The following STK35 variants were observed in gnomAD, a reference collection of about 807,000 sequenced individuals.
The protein encoded by STK35 is serine/threonine kinase 35.
In STK35, 17 loss-of-function variants were observed where a neutral mutation model predicts 37.3. The ratio of observed to expected loss-of-function variants is 0.46; its 90% confidence interval spans 0.31 to 0.68. The LOEUF (loss-of-function observed/expected upper bound fraction) is 0.68. Among genes scored for constraint, STK35 ranks in the 30% least tolerant of loss-of-function variants. The probability of loss-of-function intolerance (pLI) is 0.05; values close to 1 mark genes in which losing one functional copy is unlikely to be tolerated. For missense variants in STK35, 595 were observed against 746.7 expected (o/e 0.80, Z 2.37); for synonymous variants, 385 against 319.1 (o/e 1.21, Z -2.20).
At chr20:2,103,483 T>A in intron 2 of STK35, 118 bp downstream of exon 2, 1 of 947,610 alleles carries the variant, frequency 1.1e-6, no homozygotes. Flanking sequence ...TGTCACCCTG[T>A]GCCCTGACAC....
At chr20:2,123,670 T>C (rs1024933641) in intron 3 of STK35, among the ~76,000 whole-genome samples, 3 of 152,222 alleles carry the variant, frequency 2.0e-5, no homozygotes, top group Admixed American at 6.5e-5. Flanking sequence ...AATGCGTAAT[T>C]AACATGGTTT....
chr20:2,140,684 A>G (rs910363058), intron 3 of STK35, among the ~76,000 whole-genome samples: 4 of 152,190 alleles, frequency 2.6e-5, no homozygotes, highest in Non-Finnish European at 5.9e-5. Context: ...GAGGCTTCCA[A>G]CAGGAGGGCC....
chr20:2,124,641 C>G (rs1985873651), intron 3 of STK35, among the ~76,000 whole-genome samples: 1 of 152,174 alleles, frequency 6.6e-6, no homozygotes. Context: ...CAACCCATCT[C>G]ACTAGCACTA....
In STK35 at chr20:2,117,540, G is replaced by A; in HGVS notation, c.*37+125G>A. 1.8e-6 allele frequency: 1 copy of A among 555,678 alleles called. No individual in the cohort carries two copies. Among genetic ancestry groups the A allele is most frequent in the African/African-American group, 1.9e-5 (1 of 53,076 alleles). 34.4% of individuals were successfully genotyped at this position (555,678 alleles called of 1,614,324 possible). On this transcript the variant is annotated intron_variant, in intron 3 of 3. Coordinates refer to ENST00000381482, the MANE Select transcript of STK35 (RefSeq NM_080836.4). The surrounding 1 kb of genome is among the most constrained non-coding windows in gnomAD (Gnocchi z 4.4). ...GCTCACTGCAACCTCCACCTCCCGA[G>A]TTCAAGTGATTCTCGTGCCTCAGCC...
chr20:2,103,016 G>T lies in STK35; in HGVS notation c.543G>T (p.Pro181=). The part of the protein sequence containing the change: ...RAMDPVAAEA[P]GEAFLARRRP... ...TGGATCCGGTGGCGGCCGAGGCCCCGGGCGAGGCCTTCCTGGCGCGGCGAC... is the reference window on the plus strand; with the variant it reads ...TGGATCCGGTGGCGGCCGAGGCCCCTGGCGAGGCCTTCCTGGCGCGGCGAC... The change falls in exon 2 of 4, where the codon CCG becomes CCT. Residue 181 remains proline (P), a synonymous_variant. Coordinates refer to ENST00000381482, the MANE Select transcript of STK35 (RefSeq NM_080836.4). 7.0e-7 allele frequency: 1 copy of T among 1,436,232 alleles called. No homozygotes were observed. Among genetic ancestry groups the T allele is most frequent in the Non-Finnish European group, 9.0e-7 (1 of 1,106,010 alleles). 89.0% of individuals were successfully genotyped at this position (1,436,232 alleles called of 1,614,324 possible).
Position 2,102,079 on chromosome 20 carries a change from T to A in STK35, c.198T>A (p.Ala66=). The A allele has an allele frequency of 2.0e-6, 3 of 1,519,880 alleles. No individual in the cohort carries two copies. Among genetic ancestry groups the A allele is most frequent in the Non-Finnish European group, 1.8e-6 (2 of 1,138,474 alleles). 94.1% of individuals were successfully genotyped at this position (1,519,880 alleles called of 1,614,324 possible). ...RRARAATSRA[A]RSRRQPGPGA... ...CTCGGGCCGCCACCTCCCGCGCTGC[T>A]CGGTCCCGGAGGCAGCCCGGGCCCG... Residue 66 remains alanine, a synonymous_variant, in exon 1 of 4, where the codon GCT becomes GCA. Transcript: ENST00000381482.
Position 2,117,533 on chromosome 20 carries a change from C to A in STK35, c.*37+118C>A. The stretch of plus-strand genomic sequence containing the variant: ...GATCTCAGCTCACTGCAACCTCCAC[C>A]TCCCGAGTTCAAGTGATTCTCGTGC... On this transcript the variant is annotated intron_variant, in intron 3 of 3. Coordinates refer to ENST00000381482, the MANE Select transcript of STK35 (RefSeq NM_080836.4). This position sits in a 1 kb window ranked among gnomAD's most constrained non-coding sequence, Gnocchi z 4.4. 1.7e-6 allele frequency: 1 copy of A among 574,792 alleles called. No individual in the cohort carries two copies. Among genetic ancestry groups the A allele is most frequent in the Non-Finnish European group, 3.0e-6 (1 of 336,048 alleles). 35.6% of individuals were successfully genotyped at this position (574,792 alleles called of 1,614,324 possible).
rs745740550 is a variant in STK35 at position 2,116,841 on chromosome 20, T to C, written c.1068T>C (p.Ile356=). 6.2e-7 allele frequency: 1 copy of C among 1,614,116 alleles called. No individual in the cohort carries two copies. Among genetic ancestry groups the C allele is most frequent in the Non-Finnish European group, 8.5e-7 (1 of 1,180,024 alleles). ...SAIAFLHKNH[I]VHRDLKPDNI... is the part of the protein sequence containing the mutation. ...TTGCCTTCCTGCACAAAAACCATAT[T>C]GTGCACAGGGACCTGAAGCCAGACA... The change falls in exon 3 of 4, where the codon ATT becomes ATC. Residue 356 remains isoleucine, a synonymous_variant. Coordinates refer to ENST00000381482, the MANE Select transcript of STK35 (RefSeq NM_080836.4).
chr20:2,130,023 G>T (rs971538323), intron 3 of STK35, among the ~76,000 whole-genome samples: 4 of 152,168 alleles, frequency 2.6e-5, no homozygotes, highest in Middle Eastern at 3.2e-3. Flanking sequence ...CTCTCAGATG[G>T]CCTGAAATCG....
rs1260533508 is a variant in STK35 at position 2,147,029 on chromosome 20, G to GGGAGT, written c.*3284_*3288dup. 9 of 152,666 alleles carry GGGAGT rather than the reference G, an allele frequency of 5.9e-5. No homozygotes were observed. Among genetic ancestry groups the GGGAGT allele is most frequent in the African/African-American group, 2.2e-4 (9 of 41,448 alleles). 9.5% of individuals were successfully genotyped at this position (152,666 alleles called of 1,614,324 possible). A position where few individuals can be genotyped will look rare whatever the true frequency, so the allele number is the denominator to read the frequency against. Reference sequence around the variant, plus strand: ...TTTGCCCCTGTGGCTGCCTTTCTGAGGGAGTATACTAAATGTTTACTTAAG... The same window carrying GGGAGT: ...TTTGCCCCTGTGGCTGCCTTTCTGAGGGAGTGGAGTATACTAAATGTTTACTTAAG... On this transcript the variant is annotated 3_prime_UTR_variant, in exon 4 of 4. Transcript: ENST00000381482.
At chr20:2,110,920 C>T (rs530091920) in intron 2 of STK35, among the ~76,000 whole-genome samples, 1 of 152,268 alleles carries the variant, frequency 6.6e-6, no homozygotes, top group Non-Finnish European at 1.5e-5. Context: ...AAGGTCCTGC[C>T]CTCAACTAGG....
intron 3 of STK35, among the ~76,000 whole-genome samples, chr20:2,134,969 C>A (rs1250447356): frequency 6.6e-6 from 1 of 152,128 alleles, no homozygotes; most frequent in African/African-American, 2.4e-5. Flanking sequence ...ACCTGTGCAT[C>A]CTTGGGGTTA....
intron 3 of STK35, among the ~76,000 whole-genome samples, chr20:2,131,231 A>AAT (rs1256868374): frequency 3.9e-5 from 6 of 152,216 alleles, no homozygotes; most frequent in Admixed American, 2.0e-4. Flanking sequence ...TGTGGTACTG[A>AAT]ATACTACTAT....
intron 2 of STK35, among the ~76,000 whole-genome samples, chr20:2,110,828 T>TAGC (rs1178827288): frequency 1.3e-5 from 2 of 152,200 alleles, no homozygotes; most frequent in Admixed American, 6.5e-5. Flanking sequence ...CTGTGGGAAC[T>TAGC]AGCACATCCA....
chr20:2,132,925 A>G (rs1986024650), intron 3 of STK35, among the ~76,000 whole-genome samples: 1 of 152,196 alleles, frequency 6.6e-6, no homozygotes, highest in Non-Finnish European at 1.5e-5. Flanking sequence ...CGCAGTTCCT[A>G]GCTCCTGATG....
chr20:2,103,816 G>A, intron 2 of STK35, among the ~76,000 whole-genome samples: 1 of 152,236 alleles, frequency 6.6e-6, no homozygotes, highest in Middle Eastern at 3.4e-3. Context: ...CTCCCTGTCT[G>A]GTTCCAAGTT....
At position 2,101,857 on chromosome 20, in the gene STK35, G is replaced by T. The variant is rs1164555349; in HGVS notation, c.-25G>T. On this transcript the variant is annotated 5_prime_UTR_variant, in exon 1 of 4. Coordinates refer to ENST00000381482, the MANE Select transcript of STK35 (RefSeq NM_080836.4). ...CCTTTGCAGGACCGGGCGGTGCAGGGCTCACTCGGCTGGCGTCCCGGGGGA... is the reference window on the plus strand; with the variant it reads ...CCTTTGCAGGACCGGGCGGTGCAGGTCTCACTCGGCTGGCGTCCCGGGGGA... 1 of 1,404,798 alleles carries T rather than the reference G, an allele frequency of 7.1e-7. No homozygotes were observed. The highest frequency in any genetic ancestry group is 1.5e-5 in the African/African-American group (1 of 66,812). The allele number at this position is 1,404,798 out of a possible 1,614,324, so 87.0% of individuals were successfully genotyped here.
intron 2 of STK35, among the ~76,000 whole-genome samples, chr20:2,111,152 C>T (rs1568574449): frequency 6.6e-6 from 1 of 152,188 alleles, no homozygotes; most frequent in Non-Finnish European, 1.5e-5. Flanking sequence ...GCCCTCACTT[C>T]ACCAGGTTTC....
At chr20:2,141,930 A>C (rs1456882579) in intron 3 of STK35, among the ~76,000 whole-genome samples, 3 of 152,176 alleles carry the variant, frequency 2.0e-5, no homozygotes, top group Non-Finnish European at 4.4e-5. Context: ...TTCTTTATCC[A>C]TAAAGTTCTT....
Sources: allele counts gnomAD v4.1 joint callset (sites outside exome capture counted in the v4.1 genomes callset), GRCh38; gene constraint gnomAD v4.1.1; non-coding constraint Gnocchi (gnomAD v3.1); transcripts MANE v1.5; gene names NCBI Gene and HGNC (gene_info 2026-07-23, HGNC 2026-07-21).